The following NRXN3 variants were observed in gnomAD, a reference collection of about 807,000 sequenced individuals.
NRXN3 encodes the protein neurexin III.
A neutral mutation model predicts 137.6 loss-of-function variants in NRXN3; 32 were observed. That is an observed-to-expected ratio of 0.23 (90% CI 0.18 to 0.31). The LOEUF (loss-of-function observed/expected upper bound fraction) is 0.31, where lower values mean the gene tolerates loss of function less well. Ranked by LOEUF, NRXN3 falls within the 10% of genes least tolerant of loss-of-function variation. The pLI is 1.00. For missense variants in NRXN3, 1,574 were observed against 2,062.5 expected (o/e 0.76, Z 4.59); for synonymous variants, 798 against 784.5 (o/e 1.02, Z -0.29).
In NRXN3 at chr14:78,647,846, C is replaced by T. The variant is rs145375990; in HGVS notation, c.1059+2425C>T. Reference sequence around the variant, plus strand: ...ACATCTATTTGAGTTCCCTGGGATACATTTGAATGGTGGGATCTTCCTGTC... The same window carrying T: ...ACATCTATTTGAGTTCCCTGGGATATATTTGAATGGTGGGATCTTCCTGTC... On this transcript the variant is annotated intron_variant, in intron 5 of 20. Coordinates refer to ENST00000335750, the MANE Select transcript of NRXN3 (RefSeq NM_001330195.2). Among the ~76,000 whole-genome samples, 6 of 152,300 alleles carry T rather than the reference C, an allele frequency of 3.9e-5. 1 individual carries two copies. The East Asian group carries it at 1.2e-3, about 29-fold the overall frequency.
intron 15 of NRXN3, among the ~76,000 whole-genome samples, chr14:79,030,863 A>G (rs2099607264): frequency 6.7e-6 from 1 of 150,254 alleles, no homozygotes; most frequent in African/African-American, 2.4e-5. Flanking sequence ...TTTAATGACT[A>G]TTTGTGTTTC....
intron 19 of NRXN3, among the ~76,000 whole-genome samples, chr14:79,742,825 C>A (rs867369762): frequency 6.6e-6 from 1 of 152,162 alleles, no homozygotes; most frequent in African/African-American, 2.4e-5. Flanking sequence ...AATACTTCTT[C>A]ATTCTAGGAT....
intron 15 of NRXN3, among the ~76,000 whole-genome samples, chr14:79,064,625 A>ATG (rs2099678396): frequency 1.3e-5 from 2 of 149,998 alleles, no homozygotes; most frequent in African/African-American, 4.9e-5. Flanking sequence ...CAAGTTATAT[A>ATG]TGTATATATA....
chr14:79,705,295 C>G (rs1292198026), intron 19 of NRXN3, among the ~76,000 whole-genome samples: 3 of 152,066 alleles, frequency 2.0e-5, no homozygotes, highest in Admixed American at 2.0e-4. Context: ...AGCCAAAATC[C>G]TTGCTGCGTG....
intron 20 of NRXN3, among the ~76,000 whole-genome samples, chr14:79,833,234 A>G (rs1030383820): frequency 6.6e-6 from 1 of 152,130 alleles, no homozygotes; most frequent in Admixed American, 6.6e-5. Context: ...ATCTACGCAC[A>G]TTATATTAGA....
intron 4 of NRXN3, among the ~76,000 whole-genome samples, chr14:78,406,007 A>G (rs1339817568): frequency 6.6e-6 from 1 of 152,188 alleles, no homozygotes; most frequent in African/African-American, 2.4e-5. Flanking sequence ...CATTGCAGGT[A>G]GTGAATGGAT....
chr14:78,424,632 T>A (rs1323530783), intron 4 of NRXN3, among the ~76,000 whole-genome samples: 1 of 152,192 alleles, frequency 6.6e-6, no homozygotes, highest in Non-Finnish European at 1.5e-5. Flanking sequence ...AAAAGCAAAG[T>A]ATCTGGGCTG....
intron 15 of NRXN3, among the ~76,000 whole-genome samples, chr14:79,054,787 T>C (rs1238926185): frequency 6.6e-6 from 1 of 152,210 alleles, no homozygotes; most frequent in Admixed American, 6.5e-5. Context: ...TATCCATAGA[T>C]ACCTGACAGG....
chr14:79,270,730 A>C (rs1406578025), intron 15 of NRXN3, among the ~76,000 whole-genome samples: 1 of 152,234 alleles, frequency 6.6e-6, no homozygotes, highest in Non-Finnish European at 1.5e-5. Flanking sequence ...GGAAATAGTA[A>C]GTTTTGAAGA....
chr14:78,623,576 T>G (rs2097426337), intron 4 of NRXN3, among the ~76,000 whole-genome samples: 1 of 152,200 alleles, frequency 6.6e-6, no homozygotes, highest in African/African-American at 2.4e-5. Context: ...TATTTTATTT[T>G]TATTTTTTGA....
chr14:79,515,142 C>T lies in NRXN3; in HGVS notation c.3444+47740C>T, dbSNP rs2096970239. The stretch of plus-strand genomic sequence containing the variant: ...AGGGAGGGCTCCCTGAGAAGCAGAC[C>T]TGTGGGCTAAGTTTAGCATGCAGGA... On this transcript the variant is annotated intron_variant, in intron 16 of 20. Transcript: ENST00000335750. 1.3e-5 allele frequency among the ~76,000 whole-genome samples: 2 copies of T among 150,452 alleles called. 1 individual carries two copies. Among genetic ancestry groups the T allele is most frequent in the African/African-American group, 5.0e-5 (2 of 39,878 alleles).
Position 79,648,356 on chromosome 14 carries a change from G to T in NRXN3, c.3445-15422G>T, listed in dbSNP as rs75763072. 1.5e-5 allele frequency among the ~76,000 whole-genome samples: 2 copies of T among 135,422 alleles called. 1 individual carries two copies. The highest frequency in any genetic ancestry group is 4.9e-5 in the African/African-American group (2 of 40,666). The allele number at this position is 135,422 out of a possible 152,430, so 88.8% of individuals were successfully genotyped here. On this transcript the variant is annotated intron_variant, in intron 16 of 20. Transcript: ENST00000335750. Reference sequence around the variant, plus strand: ...TCTGGCTGATTGTCCTACAGAAAATGTTGGCTCTGTGTTACTAAATCTTAC... The same window carrying T: ...TCTGGCTGATTGTCCTACAGAAAATTTTGGCTCTGTGTTACTAAATCTTAC...
chr14:78,254,507 C>T (rs951210559), intron 2 of NRXN3, among the ~76,000 whole-genome samples: 1 of 152,032 alleles, frequency 6.6e-6, no homozygotes, highest in Non-Finnish European at 1.5e-5. Context: ...GGTGAAACCC[C>T]ATCTCTACTA....
intron 4 of NRXN3, among the ~76,000 whole-genome samples, chr14:78,400,764 G>A (rs1171082470): frequency 6.6e-6 from 1 of 152,148 alleles, no homozygotes; most frequent in Non-Finnish European, 1.5e-5. Flanking sequence ...TGACTGCCTG[G>A]CTGGGTGTAT....
At chr14:78,841,316 G>A (rs920597842) in intron 10 of NRXN3, among the ~76,000 whole-genome samples, 6 of 151,918 alleles carry the variant, frequency 3.9e-5, no homozygotes, top group South Asian at 2.1e-4. Flanking sequence ...ATTGTAAACC[G>A]TCTTCCACTT....
chr14:78,438,022 G>T (rs569926925), intron 4 of NRXN3, among the ~76,000 whole-genome samples: 1 of 152,190 alleles, frequency 6.6e-6, no homozygotes, highest in Non-Finnish European at 1.5e-5. Flanking sequence ...TAGATGTGGG[G>T]TGTGGTGATG....
At chr14:78,854,628 G>A (rs901872856) in intron 10 of NRXN3, among the ~76,000 whole-genome samples, 2 of 152,182 alleles carry the variant, frequency 1.3e-5, no homozygotes, top group East Asian at 3.8e-4. Flanking sequence ...GTGTGAGTGT[G>A]TATAATAGAG....
intron 15 of NRXN3, among the ~76,000 whole-genome samples, chr14:79,442,717 C>A (rs1364002823): frequency 6.6e-6 from 1 of 152,172 alleles, no homozygotes; most frequent in Non-Finnish European, 1.5e-5. Context: ...ATTGTTGGGT[C>A]TAGACACAAA....
At chr14:78,361,791 C>T (rs747013151) in intron 4 of NRXN3, among the ~76,000 whole-genome samples, 29 of 152,150 alleles carry the variant, frequency 1.9e-4, no homozygotes, top group Admixed American at 1.8e-3. Flanking sequence ...GCTCTCACCT[C>T]GACTTCCTAA....
Sources: gnomAD v4.1 joint callset for allele counts (sites outside exome capture counted in the v4.1 genomes callset) on GRCh38, gnomAD v4.1.1 for gene constraint, MANE v1.5 for transcripts, NCBI Gene and HGNC (gene_info 2026-07-23, HGNC 2026-07-21) for gene names.